Variants in ESR1 observed in about 807,000 individuals in gnomAD.
The protein encoded by ESR1 is estrogen receptor.
A neutral mutation model predicts 52.7 loss-of-function variants in ESR1; 12 were observed. That is an observed-to-expected ratio of 0.23 (90% CI 0.15 to 0.37). The LOEUF is 0.37. Among genes scored for constraint, ESR1 ranks in the 10% least tolerant of loss-of-function variants. ESR1 has a pLI of 1.00. For synonymous variants in ESR1, 305 were observed against 316.8 expected, an observed-to-expected ratio of 0.96 and a Z score of 0.39; for missense variants, 584 against 779.7, an observed-to-expected ratio of 0.75 and a Z score of 2.99.
At chr6:151,928,817 C>T (rs1382053578) in intron 3 of ESR1, among the ~76,000 whole-genome samples, 1 of 152,026 alleles carries the variant, frequency 6.6e-6, no homozygotes, top group African/African-American at 2.4e-5. Flanking sequence ...TTCTTTGACT[C>T]ATACGTTCTT....
At chr6:151,663,359 T>C (rs967782173) in intron 1 of ESR1, among the ~76,000 whole-genome samples, 3 of 152,232 alleles carry the variant, frequency 2.0e-5, no homozygotes. Flanking sequence ...TCTCTTTTTC[T>C]GCTGAGATCA....
chr6:151,966,213 C>G (rs1364065787), intron 4 of ESR1, among the ~76,000 whole-genome samples: 1 of 152,194 alleles, frequency 6.6e-6, no homozygotes, highest in Non-Finnish European at 1.5e-5. Context: ...TACTGCCCCA[C>G]TATATATTCT....
At chr6:152,125,564 C>T (rs532458047) in exon 7 of ESR1, 1 of 541,450 alleles carries the variant, frequency 1.8e-6, no homozygotes, top group Non-Finnish European at 3.0e-6. Flanking sequence ...AAATTTTCTT[C>T]AAAACATCCT....
At chr6:152,018,322 AT>A (rs1479190761) in intron 5 of ESR1, among the ~76,000 whole-genome samples, 5 of 151,106 alleles carry the variant, frequency 3.3e-5, no homozygotes, top group Non-Finnish European at 5.9e-5. Flanking sequence ...AAAAAAAAAA[AT>A]GCCCAAAAAT....
At chr6:151,830,196 C>T (rs1046937059) in intron 1 of ESR1, among the ~76,000 whole-genome samples, 4 of 152,126 alleles carry the variant, frequency 2.6e-5, no homozygotes, top group African/African-American at 4.8e-5. Flanking sequence ...TTCCCAAGGG[C>T]CAAAGTCTTC....
At chr6:151,932,213 G>T (rs2033728702) in intron 3 of ESR1, among the ~76,000 whole-genome samples, 2 of 150,694 alleles carry the variant, frequency 1.3e-5, no homozygotes, top group South Asian at 2.1e-4. Flanking sequence ...GTGATGATGA[G>T]CATTTTTTCA....
chr6:151,922,648 G>A, intron 3 of ESR1, among the ~76,000 whole-genome samples: 1 of 151,988 alleles, frequency 6.6e-6, no homozygotes, highest in Non-Finnish European at 1.5e-5. Context: ...AGATAGTTCA[G>A]ACTTATCTTC....
chr6:151,889,900 T>C (rs890659241), intron 3 of ESR1, among the ~76,000 whole-genome samples: 3 of 152,152 alleles, frequency 2.0e-5, no homozygotes, highest in African/African-American at 7.2e-5. Context: ...TATTTCTTCT[T>C]TGACCCACTG....
At chr6:152,112,451 C>T (rs953206666) in intron 6 of ESR1, among the ~76,000 whole-genome samples, 2 of 152,254 alleles carry the variant, frequency 1.3e-5, no homozygotes, top group African/African-American at 4.8e-5. Context: ...TCAGCAGCTA[C>T]CAGGGATATT....
At chr6:152,001,360 G>C (rs1186077521) in intron 4 of ESR1, among the ~76,000 whole-genome samples, 1 of 151,948 alleles carries the variant, frequency 6.6e-6, no homozygotes, top group African/African-American at 2.4e-5. Context: ...AGAAAGAAAG[G>C]GGACGAAAGG....
intron 2 of ESR1, among the ~76,000 whole-genome samples, chr6:151,757,617 T>C (rs1784385519): frequency 2.6e-5 from 4 of 152,232 alleles, no homozygotes; most frequent in Admixed American, 2.6e-4. Flanking sequence ...TGTTTATTAT[T>C]ACTGTGAACA....
At chr6:151,838,925 G>A (rs1203032792) in intron 1 of ESR1, among the ~76,000 whole-genome samples, 2 of 152,150 alleles carry the variant, frequency 1.3e-5, no homozygotes, top group Non-Finnish European at 1.5e-5. Context: ...CTATTTCTGA[G>A]GAAAATGGGC....
Position 152,085,575 on chromosome 6 carries a change from A to G in ESR1, c.1370-8810A>G, listed in dbSNP as rs139087816. On this transcript the variant is annotated intron_variant, in intron 6 of 7. Coordinates refer to ENST00000206249, the MANE Select transcript of ESR1 (RefSeq NM_000125.4). Reference sequence around the variant, plus strand: ...AGGCATCTTTATTCATAGGCTAGCAATTGATGTTGGCTGTTGGCTGGGACG... The same window carrying G: ...AGGCATCTTTATTCATAGGCTAGCAGTTGATGTTGGCTGTTGGCTGGGACG... 9.2e-4 allele frequency among the ~76,000 whole-genome samples: 140 copies of G among 152,186 alleles called. 1 individual carries two copies. In the East Asian group the frequency reaches 0.026, roughly 28 times the overall value.
chr6:151,759,012 C>A (rs1370427528), intron 2 of ESR1, among the ~76,000 whole-genome samples: 2 of 151,958 alleles, frequency 1.3e-5, no homozygotes, highest in Admixed American at 1.3e-4. Context: ...CGCAGTGGCT[C>A]ACGCCTGTAA....
intron 2 of ESR1, among the ~76,000 whole-genome samples, chr6:151,724,203 A>C (rs1391502373): frequency 6.6e-6 from 1 of 152,150 alleles, no homozygotes; most frequent in African/African-American, 2.4e-5. Flanking sequence ...AGTCTTTAAA[A>C]GGAGCAATTA....
intron 6 of ESR1, among the ~76,000 whole-genome samples, chr6:152,108,974 G>C (rs896916985): frequency 1.3e-5 from 2 of 152,200 alleles, no homozygotes; most frequent in Non-Finnish European, 2.9e-5. Flanking sequence ...CATCTGCTCA[G>C]CTTCTGGGGA....
chr6:151,767,007 T>C (rs1185374610), intron 2 of ESR1, among the ~76,000 whole-genome samples: 2 of 152,256 alleles, frequency 1.3e-5, no homozygotes, highest in African/African-American at 4.8e-5. Context: ...TTATTCTATA[T>C]GAAGACATCT....
chr6:151,900,097 T>C (rs1339844730), intron 3 of ESR1, among the ~76,000 whole-genome samples: 2 of 152,238 alleles, frequency 1.3e-5, no homozygotes, highest in Non-Finnish European at 2.9e-5. Context: ...CACTCCAGCC[T>C]GGGCACCATT....
chr6:152,027,384 A>C (rs193258160), intron 5 of ESR1, among the ~76,000 whole-genome samples: 6 of 152,284 alleles, frequency 3.9e-5, no homozygotes, highest in African/African-American at 1.4e-4. Context: ...AAGATATTTA[A>C]TGTCCACCTT....
Sources: allele counts gnomAD v4.1 joint callset (sites outside exome capture counted in the v4.1 genomes callset), GRCh38; gene constraint gnomAD v4.1.1; transcripts MANE v1.5; gene names NCBI Gene and HGNC (gene_info 2026-07-23, HGNC 2026-07-21).